RANBP2: variants seen among roughly 807,000 people sequenced by gnomAD.
RANBP2 encodes RAN binding protein 2.
In RANBP2, 57 loss-of-function variants were observed where a neutral mutation model predicts 303.6. The observed-to-expected ratio is 0.19, with a 90% confidence interval of 0.15 to 0.23. The LOEUF is 0.23. Among genes scored for constraint, RANBP2 ranks in the 10% least tolerant of loss-of-function variants. The pLI is 1.00. For synonymous variants in RANBP2, 1,167 were observed against 1,301.5 expected, an observed-to-expected ratio of 0.90 and a Z score of 2.23; for missense variants, 3,138 against 3,780.8, an observed-to-expected ratio of 0.83 and a Z score of 4.46.
At chr2:109,564,366 C>G in the RANBP2 span, 1 of 1,551,010 alleles carries the variant, frequency 6.4e-7, no homozygotes, top group Non-Finnish European at 8.7e-7. Flanking sequence ...CCCACCCTAC[C>G]TGACTGGCTT....
the RANBP2 span, among the ~76,000 whole-genome samples, chr2:109,007,001 TG>T: frequency 1.3e-5 from 2 of 152,210 alleles, no homozygotes; most frequent in African/African-American, 4.8e-5. Context: ...GTGAGACAAT[TG>T]TAGGGGAACG....
chr2:109,323,201 A>G, the RANBP2 span, among the ~76,000 whole-genome samples: 2 of 152,168 alleles, frequency 1.3e-5, no homozygotes, highest in African/African-American at 4.8e-5. Context: ...TAGAGTGGGA[A>G]GGAGGGCCGG....
At chr2:109,595,339 T>C in the RANBP2 span, among the ~76,000 whole-genome samples, 1 of 152,196 alleles carries the variant, frequency 6.6e-6, no homozygotes. Flanking sequence ...ATGTAAATGA[T>C]ACAAAGCACA....
At chr2:109,033,002 C>G in the RANBP2 span, among the ~76,000 whole-genome samples, 1,837 of 152,306 alleles carry the variant, frequency 0.012, 42 homozygotes, top group African/African-American at 0.041. Context: ...CTTCCTGAAC[C>G]CTTGGAAGCT....
At chr2:108,788,345 G>T (rs946457031), downstream of RANBP2, among the ~76,000 whole-genome samples, 2 of 151,790 alleles carry the variant, frequency 1.3e-5, no homozygotes, top group Non-Finnish European at 2.9e-5. Flanking sequence ...GGTTGAACCC[G>T]GGAGGCAGAG....
At chr2:109,538,877 A>C in the RANBP2 span, among the ~76,000 whole-genome samples, 1 of 152,340 alleles carries the variant, frequency 6.6e-6, no homozygotes, top group African/African-American at 2.4e-5. Context: ...TCTTCTACAC[A>C]AATTTGTCAT....
chr2:109,147,258 A>G, the RANBP2 span, among the ~76,000 whole-genome samples: 1 of 152,094 alleles, frequency 6.6e-6, no homozygotes, highest in South Asian at 2.1e-4. Context: ...TGCTCGAAAG[A>G]TGTAAATATG....
chr2:109,474,616 G>T, the RANBP2 span, among the ~76,000 whole-genome samples: 1 of 152,226 alleles, frequency 6.6e-6, no homozygotes, highest in African/African-American at 2.4e-5. Context: ...GGGCAGGGGG[G>T]GAGAACGCAG....
At chr2:109,172,980 T>C in the RANBP2 span, among the ~76,000 whole-genome samples, 1 of 152,254 alleles carries the variant, frequency 6.6e-6, no homozygotes, top group Admixed American at 6.5e-5. Context: ...TGTATGACCT[T>C]GCGCTTGTCT....
At chr2:109,222,476 A>G in the RANBP2 span, among the ~76,000 whole-genome samples, 1 of 148,620 alleles carries the variant, frequency 6.7e-6, no homozygotes, top group African/African-American at 2.6e-5. Flanking sequence ...ATTATGTATC[A>G]GTAAAAGTTC....
the RANBP2 span, among the ~76,000 whole-genome samples, chr2:109,072,049 G>C: frequency 2.6e-5 from 4 of 152,222 alleles, no homozygotes; most frequent in African/African-American, 9.7e-5. Flanking sequence ...GAATACTGAG[G>C]ATGAGCTGCC....
chr2:109,106,954 TA>T, the RANBP2 span, among the ~76,000 whole-genome samples: 2 of 148,668 alleles, frequency 1.3e-5, no homozygotes, highest in Non-Finnish European at 3.0e-5. Flanking sequence ...TTTTTTTTTT[TA>T]AAGACAGAGT....
At chr2:109,694,800 G>GGTGTGT in the RANBP2 span, among the ~76,000 whole-genome samples, 3 of 80,198 alleles carry the variant, frequency 3.7e-5, no homozygotes, top group African/African-American at 1.3e-4. Context: ...TATCCATAGG[G>GGTGTGT]ATGTGTGTGT....
In RANBP2 at chr2:108,735,991, A is replaced by G. The variant is rs554057260; in HGVS notation, c.637-113A>G. 9 of 1,603,858 alleles carry G rather than the reference A, an allele frequency of 5.6e-6. No homozygotes were observed. The South Asian group carries it at 8.9e-5, about 16-fold the overall frequency. On this transcript the variant is annotated intron_variant, in intron 5 of 28. Coordinates refer to ENST00000283195, the MANE Select transcript of RANBP2 (RefSeq NM_006267.5). ...GTTTTATAAGGTCGATATAAAAATCAATATAGTTTCACAAATGTGGTTGGA... is the reference window on the plus strand; with the variant it reads ...GTTTTATAAGGTCGATATAAAAATCGATATAGTTTCACAAATGTGGTTGGA...
At chr2:109,393,006 G>A in the RANBP2 span, among the ~76,000 whole-genome samples, 4 of 152,168 alleles carry the variant, frequency 2.6e-5, no homozygotes, top group African/African-American at 4.8e-5. Context: ...GAAGAATGAC[G>A]TGTTTTACAA....
the RANBP2 span, among the ~76,000 whole-genome samples, chr2:109,302,518 C>T: frequency 1.3e-5 from 2 of 152,246 alleles, no homozygotes; most frequent in Non-Finnish European, 2.9e-5. Context: ...ACCGAAGATG[C>T]TCCACAGCCC....
the RANBP2 span, chr2:108,910,508 T>G: frequency 6.2e-7 from 1 of 1,613,776 alleles, no homozygotes; most frequent in Non-Finnish European, 8.5e-7. Flanking sequence ...AAATTCATCC[T>G]TCTCGGAGAA....
chr2:109,481,754 A>G, the RANBP2 span, among the ~76,000 whole-genome samples: 30 of 152,096 alleles, frequency 2.0e-4, no homozygotes, highest in Non-Finnish European at 3.5e-4. Flanking sequence ...GTGCTCTGCA[A>G]ATGTCACTCC....
the RANBP2 span, among the ~76,000 whole-genome samples, chr2:109,355,863 T>C: frequency 6.6e-6 from 1 of 152,242 alleles, no homozygotes; most frequent in Non-Finnish European, 1.5e-5. Context: ...TATTTCCTCC[T>C]TCCTTGTCCT....
Sources: gnomAD v4.1 joint callset for allele counts (sites outside exome capture counted in the v4.1 genomes callset) on GRCh38, gnomAD v4.1.1 for gene constraint, MANE v1.5 for transcripts, NCBI Gene and HGNC (gene_info 2026-07-23, HGNC 2026-07-21) for gene names.